Variants in CYP39A1 observed in about 807,000 individuals in gnomAD.
CYP39A1 encodes cytochrome P450 family 39 subfamily A member 1.
CYP39A1 carries 49 observed loss-of-function variants against 58.1 expected under a neutral mutation model. That is an observed-to-expected ratio of 0.84 (90% CI 0.67 to 1.07). CYP39A1 has a LOEUF of 1.07. Among genes scored for constraint, CYP39A1 ranks in the 50% least tolerant of loss-of-function variants. The probability of loss-of-function intolerance (pLI) is 0.00; values close to 1 mark genes in which losing one functional copy is unlikely to be tolerated. For synonymous variants in CYP39A1, 209 were observed against 187.6 expected, an observed-to-expected ratio of 1.11 and a Z score of -0.93; for missense variants, 531 against 539.4, an observed-to-expected ratio of 0.98 and a Z score of 0.16.
chr6:46,608,669 C>A (rs1773998099), intron 7 of CYP39A1, among the ~76,000 whole-genome samples: 2 of 151,688 alleles, frequency 1.3e-5, no homozygotes, highest in South Asian at 4.2e-4. Flanking sequence ...GGCTAGAGTG[C>A]AGTGGCACAA....
intron 10 of CYP39A1, chr6:46,586,453 G>A (rs1772478644): frequency 1.0e-6 from 1 of 973,012 alleles, no homozygotes; most frequent in Non-Finnish European, 1.2e-6. Context: ...CTGAAGCTTA[G>A]AAGAGGGCCT....
chr6:46,636,907 G>A (rs928969437), intron 4 of CYP39A1, among the ~76,000 whole-genome samples: 2 of 152,142 alleles, frequency 1.3e-5, no homozygotes, highest in African/African-American at 2.4e-5. Flanking sequence ...AATGGTCTAC[G>A]TAGGCTATGG....
intron 5 of CYP39A1, among the ~76,000 whole-genome samples, chr6:46,632,953 A>C (rs1281629891): frequency 6.6e-6 from 1 of 152,228 alleles, no homozygotes; most frequent in Non-Finnish European, 1.5e-5. Context: ...ACTAGCCTAT[A>C]AAATACATTA....
intron 7 of CYP39A1, among the ~76,000 whole-genome samples, chr6:46,604,111 A>T (rs1773685382): frequency 1.3e-5 from 2 of 152,188 alleles, no homozygotes; most frequent in Admixed American, 1.3e-4. Flanking sequence ...TATAAGGAAA[A>T]TGTCTTTGTT....
At chr6:46,631,803 T>C (rs554207117) in intron 5 of CYP39A1, among the ~76,000 whole-genome samples, 54 of 152,328 alleles carry the variant, frequency 3.5e-4, no homozygotes, top group Admixed American at 1.9e-3. Flanking sequence ...TCTCAAGACA[T>C]GTTGTTCTCA....
chr6:46,648,677 A>T (rs1762482544), intron 1 of CYP39A1, among the ~76,000 whole-genome samples: 1 of 152,164 alleles, frequency 6.6e-6, no homozygotes. Flanking sequence ...ATAATAAAAA[A>T]AAATTATAAA....
chr6:46,570,846 C>T (rs1173536689), intron 10 of CYP39A1, among the ~76,000 whole-genome samples: 2 of 152,172 alleles, frequency 1.3e-5, no homozygotes, highest in South Asian at 2.1e-4. Flanking sequence ...AAAACACCTC[C>T]CAATAGGGCC....
chr6:46,570,937 T>TACAATG (rs1320245102), intron 10 of CYP39A1, among the ~76,000 whole-genome samples: 2 of 152,172 alleles, frequency 1.3e-5, no homozygotes, highest in Admixed American at 1.3e-4. Context: ...TGTTTCCATT[T>TACAATG]TTACTTGTCT....
chr6:46,623,782 T>C (rs1775123981), intron 7 of CYP39A1, among the ~76,000 whole-genome samples: 1 of 152,156 alleles, frequency 6.6e-6, no homozygotes. Flanking sequence ...TCCAAAGATC[T>C]GTGGACTCCT....
chr6:46,640,942 CTA>C (rs1562018586), intron 2 of CYP39A1, among the ~76,000 whole-genome samples: 1 of 151,908 alleles, frequency 6.6e-6, no homozygotes, highest in East Asian at 1.9e-4. Flanking sequence ...TACATCTTCT[CTA>C]TGTTACCATA....
At chr6:46,625,935 C>T (rs1197788916) in intron 6 of CYP39A1, among the ~76,000 whole-genome samples, 1 of 151,956 alleles carries the variant, frequency 6.6e-6, no homozygotes, top group Non-Finnish European at 1.5e-5. Context: ...AGTGAATTAG[C>T]ACATTTTATA....
chr6:46,598,079 T>C (rs973685180), intron 7 of CYP39A1, among the ~76,000 whole-genome samples: 26 of 152,124 alleles, frequency 1.7e-4, no homozygotes, highest in African/African-American at 6.3e-4. Context: ...TTCTATGAAA[T>C]ATTTGCAAGA....
chr6:46,626,930 T>G (rs962690702), intron 6 of CYP39A1, among the ~76,000 whole-genome samples: 3 of 152,224 alleles, frequency 2.0e-5, no homozygotes, highest in Non-Finnish European at 4.4e-5. Context: ...TTTTCACACT[T>G]CTTTATAAAG....
At chr6:46,596,936 T>C (rs954451019) in intron 7 of CYP39A1, among the ~76,000 whole-genome samples, 1 of 152,164 alleles carries the variant, frequency 6.6e-6, no homozygotes, top group African/African-American at 2.4e-5. Flanking sequence ...AACAACAATA[T>C]TGTCAGTTTA....
intron 7 of CYP39A1, among the ~76,000 whole-genome samples, chr6:46,617,007 T>C (rs1453491344): frequency 6.6e-6 from 1 of 152,050 alleles, no homozygotes; most frequent in African/African-American, 2.4e-5. Flanking sequence ...GGGATCTACA[T>C]GTCCAGGTGG....
intron 7 of CYP39A1, among the ~76,000 whole-genome samples, chr6:46,616,171 CTTTCTTTCTTTCTTTCTTCT>C (rs1774556289): frequency 1.3e-4 from 4 of 30,906 alleles, no homozygotes; most frequent in East Asian, 1.1e-3. Flanking sequence ...TTTTTTCTTT[CTTTCTTTCTTTCTTTCTTCT>C]TTCCCTCCCT....
At chr6:46,602,288 T>C (rs1024547346) in intron 7 of CYP39A1, among the ~76,000 whole-genome samples, 13 of 152,076 alleles carry the variant, frequency 8.5e-5, no homozygotes, top group African/African-American at 2.9e-4. Context: ...TGAGGGAGAA[T>C]GTAAAAATCT....
intron 10 of CYP39A1, among the ~76,000 whole-genome samples, chr6:46,569,126 T>C (rs1434692829): frequency 6.6e-6 from 1 of 152,156 alleles, no homozygotes; most frequent in African/African-American, 2.4e-5. Flanking sequence ...CTAATTGTTT[T>C]ATTCATTTTT....
intron 2 of CYP39A1, among the ~76,000 whole-genome samples, chr6:46,640,374 A>G (rs547608781): frequency 3.9e-5 from 6 of 152,230 alleles, no homozygotes; most frequent in African/African-American, 1.4e-4. Flanking sequence ...TATGAGCCTC[A>G]AACTTCTCCT....
Sources: allele counts gnomAD v4.1 joint callset (sites outside exome capture counted in the v4.1 genomes callset), GRCh38; gene constraint gnomAD v4.1.1; transcripts MANE v1.5; gene names NCBI Gene and HGNC (gene_info 2026-07-23, HGNC 2026-07-21).